Variants in FRMD3 observed in about 807,000 individuals in gnomAD.
The protein encoded by FRMD3 is FERM domain containing 3.
A neutral mutation model predicts 70.2 loss-of-function variants in FRMD3; 33 were observed. The observed-to-expected ratio is 0.47, with a 90% CI of 0.36 to 0.63. The LOEUF (loss-of-function observed/expected upper bound fraction) is 0.63. FRMD3 is among the 20% of genes least tolerant of loss of function. FRMD3 has a pLI of 0.00. For missense variants in FRMD3, 632 were observed against 711.4 expected (o/e 0.89, Z 1.27); for synonymous variants, 279 against 255.9 (o/e 1.09, Z -0.86).
At chr9:83,354,274 T>C (rs746149303) in intron 3 of FRMD3, among the ~76,000 whole-genome samples, 39 of 152,074 alleles carry the variant, frequency 2.6e-4, no homozygotes, top group Non-Finnish European at 4.9e-4. Context: ...AATGGTGGAC[T>C]GAATAAAGAA....
chr9:83,394,691 TATC>T (rs1328802157), intron 1 of FRMD3, among the ~76,000 whole-genome samples: 1 of 152,154 alleles, frequency 6.6e-6, no homozygotes, highest in Non-Finnish European at 1.5e-5. Context: ...CAGGAGAGCT[TATC>T]ATTCTCTCAC....
chr9:83,308,243 T>C (rs914528516), intron 10 of FRMD3, among the ~76,000 whole-genome samples: 2 of 152,188 alleles, frequency 1.3e-5, no homozygotes, highest in African/African-American at 4.8e-5. Flanking sequence ...CAATGAACAA[T>C]GGGCAAAGAC....
intron 2 of FRMD3, among the ~76,000 whole-genome samples, chr9:83,376,379 C>T (rs918896504): frequency 6.6e-6 from 1 of 152,124 alleles, no homozygotes; most frequent in Non-Finnish European, 1.5e-5. Context: ...GATGATTCTG[C>T]AGCAGTGTTT....
intron 3 of FRMD3, among the ~76,000 whole-genome samples, chr9:83,369,068 T>C (rs951871321): frequency 6.6e-6 from 1 of 152,086 alleles, no homozygotes; most frequent in Non-Finnish European, 1.5e-5. Context: ...TTGGCCAGGA[T>C]GGTCTCGATC....
At chr9:83,578,209 C>T in the FRMD3 span, among the ~76,000 whole-genome samples, 4 of 151,874 alleles carry the variant, frequency 2.6e-5, no homozygotes, top group East Asian at 7.7e-4. Flanking sequence ...CAAAGAAAAG[C>T]CCAGGACCAA....
the FRMD3 span, among the ~76,000 whole-genome samples, chr9:83,578,299 A>C: frequency 2.6e-5 from 4 of 151,974 alleles, no homozygotes; most frequent in Non-Finnish European, 4.4e-5. Flanking sequence ...ATAAAATTGA[A>C]CTGGAGGGAA....
At chr9:83,474,425 CA>C (rs1226828082) in intron 1 of FRMD3, among the ~76,000 whole-genome samples, 1 of 152,048 alleles carries the variant, frequency 6.6e-6, no homozygotes, top group Admixed American at 6.6e-5. Context: ...CCTCAGAATG[CA>C]AAGCAAAAAG....
chr9:83,507,736 A>ATATC lies in FRMD3; in HGVS notation c.147+30345_147+30348dup, dbSNP rs1554713918. Among the ~76,000 whole-genome samples, 366 of 88,668 alleles carry ATATC rather than the reference A, an allele frequency of 4.1e-3. 17 individuals are homozygous for ATATC. Among genetic ancestry groups the ATATC allele is most frequent in the Non-Finnish European group, 5.6e-3 (235 of 42,230 alleles). The allele number at this position is 88,668 out of a possible 152,430, so 58.2% of individuals were successfully genotyped here. A position where few individuals can be genotyped will look rare whatever the true frequency, so the allele number is the denominator to read the frequency against. ...TATATATATATATATATATATATAT[A>ATATC]TATCTTCTGGAATATTTCCTGAAGG... On this transcript the variant is annotated intron_variant, in intron 1 of 13. Coordinates refer to ENST00000304195, the MANE Select transcript of FRMD3 (RefSeq NM_174938.6).
intron 1 of FRMD3, among the ~76,000 whole-genome samples, chr9:83,506,044 G>T (rs948425368): frequency 1.3e-5 from 2 of 152,192 alleles, no homozygotes; most frequent in African/African-American, 4.8e-5. Flanking sequence ...CTGGTCAGCT[G>T]CGCTGGTCAG....
intron 1 of FRMD3, among the ~76,000 whole-genome samples, chr9:83,472,982 A>G (rs1207696322): frequency 6.6e-6 from 1 of 151,846 alleles, no homozygotes; most frequent in Admixed American, 6.6e-5. Context: ...ACCCTGCCAC[A>G]CTCACCAGGA....
chr9:83,422,746 C>G (rs755459086), intron 1 of FRMD3, among the ~76,000 whole-genome samples: 1 of 152,158 alleles, frequency 6.6e-6, no homozygotes, highest in Non-Finnish European at 1.5e-5. Context: ...CACCAGGGAA[C>G]AGCTGGGAAG....
intron 1 of FRMD3, among the ~76,000 whole-genome samples, chr9:83,453,985 G>T (rs10868015): frequency 0.28 from 42,432 of 152,058 alleles, 6,894 homozygotes; most frequent in East Asian, 0.5. Flanking sequence ...AAAGTGCTGG[G>T]ATTACAGGTG....
the FRMD3 span, among the ~76,000 whole-genome samples, chr9:83,550,125 G>T: frequency 6.6e-6 from 1 of 151,998 alleles, no homozygotes; most frequent in Non-Finnish European, 1.5e-5. Flanking sequence ...TTGACGTTTA[G>T]ATATGATGTA....
intron 10 of FRMD3, among the ~76,000 whole-genome samples, chr9:83,308,755 C>G (rs1835235672): frequency 6.6e-6 from 1 of 152,206 alleles, no homozygotes; most frequent in African/African-American, 2.4e-5. Flanking sequence ...GCTCTGACAG[C>G]ATTCCACCCA....
chr9:83,455,964 T>C (rs1302004990), intron 1 of FRMD3, among the ~76,000 whole-genome samples: 2 of 152,192 alleles, frequency 1.3e-5, no homozygotes, highest in East Asian at 3.8e-4. Context: ...GGCATTTTTC[T>C]AAAATAAACT....
intron 1 of FRMD3, among the ~76,000 whole-genome samples, chr9:83,536,935 A>AAAAAAAAAAAAAAAAAAAAAAAC: frequency 1.0e-5 from 1 of 98,440 alleles, no homozygotes; most frequent in African/African-American, 4.7e-5. Flanking sequence ...TACACTAAAA[A>AAAAAAAAAAAAAAAAAAAAAAAC]AAAAAAAAAA....
intron 13 of FRMD3, among the ~76,000 whole-genome samples, chr9:83,264,566 C>A (rs1647405952): frequency 6.6e-6 from 1 of 151,946 alleles, no homozygotes; most frequent in Non-Finnish European, 1.5e-5. Context: ...AGGGAAATTC[C>A]CCATATGTGG....
the FRMD3 span, among the ~76,000 whole-genome samples, chr9:83,555,909 C>G: frequency 6.6e-6 from 1 of 152,164 alleles, no homozygotes; most frequent in African/African-American, 2.4e-5. Flanking sequence ...CGTGGTTTCC[C>G]GGGATCGGTC....
chr9:83,524,754 T>C (rs926322175), intron 1 of FRMD3, among the ~76,000 whole-genome samples: 2 of 152,152 alleles, frequency 1.3e-5, no homozygotes, highest in African/African-American at 4.8e-5. Context: ...TTAATACATA[T>C]TATCATTATT....
Sources: allele counts gnomAD v4.1 joint callset (sites outside exome capture counted in the v4.1 genomes callset), GRCh38; gene constraint gnomAD v4.1.1; transcripts MANE v1.5; gene names NCBI Gene and HGNC (gene_info 2026-07-23, HGNC 2026-07-21).